The following BAALC variants were observed in gnomAD, a reference collection of about 807,000 sequenced individuals.
The protein encoded by BAALC is brain and acute leukemia cytoplasmic protein.
BAALC carries 9 observed loss-of-function variants against 15.5 expected under a neutral mutation model. The observed-to-expected ratio is 0.58, with a 90% CI of 0.35 to 1.02. The LOEUF (loss-of-function observed/expected upper bound fraction) is 1.02. Among genes scored for constraint, BAALC ranks in the 50% least tolerant of loss-of-function variants. The pLI is 0.02. For missense variants in BAALC, 201 were observed against 192.4 expected, an observed-to-expected ratio of 1.04 and a Z score of -0.27; for synonymous variants, 80 against 74.6, an observed-to-expected ratio of 1.07 and a Z score of -0.37.
chr8:103,187,633 T>A (rs908431294), intron 1 of BAALC, among the ~76,000 whole-genome samples: 1 of 152,230 alleles, frequency 6.6e-6, no homozygotes, highest in African/African-American at 2.4e-5. Flanking sequence ...TTCTGCTTTT[T>A]GCTTATGGTC....
chr8:103,170,615 G>A (rs1033156081), intron 1 of BAALC, among the ~76,000 whole-genome samples: 1 of 152,060 alleles, frequency 6.6e-6, no homozygotes, highest in Non-Finnish European at 1.5e-5. Context: ...GAGAGGGTGT[G>A]GAACTGATTC....
chr8:103,157,639 C>T (rs1299955834), intron 1 of BAALC, among the ~76,000 whole-genome samples: 1 of 152,072 alleles, frequency 6.6e-6, no homozygotes, highest in East Asian at 1.9e-4. Flanking sequence ...GAGGCCTCAT[C>T]TCTATAAAAA....
chr8:103,226,340 T>C (rs1473825484), intron 2 of BAALC, among the ~76,000 whole-genome samples: 2 of 152,356 alleles, frequency 1.3e-5, no homozygotes, highest in Admixed American at 1.3e-4. Flanking sequence ...CAGACCTTTA[T>C]GCCCTTCCAT....
chr8:103,187,710 G>T (rs1447047350), intron 1 of BAALC, among the ~76,000 whole-genome samples: 1 of 152,096 alleles, frequency 6.6e-6, no homozygotes, highest in Non-Finnish European at 1.5e-5. Flanking sequence ...CTGGGGCTTG[G>T]CTTATCTTCA....
intron 1 of BAALC, among the ~76,000 whole-genome samples, chr8:103,177,371 G>C (rs2129962807): frequency 6.6e-6 from 1 of 152,122 alleles, no homozygotes. Flanking sequence ...TTTTTGTAGA[G>C]ACGGGGTCTT....
intron 2 of BAALC, among the ~76,000 whole-genome samples, chr8:103,225,487 GAAA>G (rs1366467173): frequency 6.6e-6 from 1 of 152,168 alleles, no homozygotes; most frequent in African/African-American, 2.4e-5. Context: ...GCAAGTAATT[GAAA>G]AAGTACACTC....
intron 1 of BAALC, among the ~76,000 whole-genome samples, chr8:103,174,905 A>G (rs1048024800): frequency 6.6e-6 from 1 of 152,246 alleles, no homozygotes; most frequent in Non-Finnish European, 1.5e-5. Context: ...GGCAGCCAGC[A>G]ATCTGACAAC....
intron 1 of BAALC, chr8:103,200,799 G>A: frequency 1.5e-6 from 1 of 664,590 alleles, no homozygotes; most frequent in Non-Finnish European, 2.8e-6. Context: ...CTTTTATAAG[G>A]GCACCAATAT....
Position 103,204,941 on chromosome 8 carries a change from AAATT to A in BAALC, c.161-7976_161-7973del, listed in dbSNP as rs767589927. On this transcript the variant is annotated intron_variant, in intron 1 of 2. Coordinates refer to ENST00000309982, the MANE Select transcript of BAALC (RefSeq NM_024812.3). ...TTTTACTTATACCTCAGTTTAGACA[AAATT>A]ATTATCTGCCATGTGTTCAGGACCT... 6.0e-4 allele frequency among the ~76,000 whole-genome samples: 91 copies of A among 152,304 alleles called. 2 individuals carry two copies. Among genetic ancestry groups the A allele is most frequent in the South Asian group, 1.2e-3 (6 of 4,818 alleles).
In BAALC at chr8:103,229,896, A is replaced by G. The variant is rs996291812; in HGVS notation, c.*1797A>G. ...CTGTGATTCATATGTCCCCACTGGC[A>G]TTACTCAGCAGGAGCCCCCAGCTGC... is the stretch of plus-strand genomic sequence containing the variant. On this transcript the variant is annotated 3_prime_UTR_variant, in exon 3 of 3. Coordinates refer to ENST00000309982, the MANE Select transcript of BAALC (RefSeq NM_024812.3). 4 of 152,240 alleles carry G rather than the reference A, an allele frequency of 2.6e-5. No individual in the cohort carries two copies. Among genetic ancestry groups the G allele is most frequent in the Non-Finnish European group, 5.9e-5 (4 of 68,044 alleles). The allele number at this position is 152,240 out of a possible 1,614,324, so 9.4% of individuals were successfully genotyped here.
intron 2 of BAALC, among the ~76,000 whole-genome samples, chr8:103,220,049 C>T (rs928249760): frequency 2.6e-5 from 4 of 152,140 alleles, no homozygotes; most frequent in African/African-American, 9.7e-5. Flanking sequence ...CAACATGGCC[C>T]AAGGAGTCAT....
At chr8:103,212,849 C>A in intron 1 of BAALC, 70 bp from the exon 2 acceptor site, 3 of 1,479,802 alleles carry the variant, frequency 2.0e-6, no homozygotes, top group East Asian at 2.3e-5. Context: ...GTTTCTCCAC[C>A]ATTTTGGGAT....
intron 1 of BAALC, chr8:103,198,264 G>C: frequency 1.7e-6 from 1 of 572,160 alleles, no homozygotes; most frequent in Non-Finnish European, 3.1e-6. Flanking sequence ...TACTATTTTT[G>C]ATAGCATATT....
intron 1 of BAALC, among the ~76,000 whole-genome samples, chr8:103,146,526 A>G (rs1810884861): frequency 6.6e-6 from 1 of 152,238 alleles, no homozygotes; most frequent in African/African-American, 2.4e-5. Flanking sequence ...ATAAGGTTTC[A>G]TTTCACACAC....
rs913197661 is a variant in BAALC at position 103,229,454 on chromosome 8, T to G, written c.*1355T>G. ...TCCTTATCTGCTAACTCTGTTATTC[T>G]TCAAACACAAGTGGGTAGTGTCATT... On this transcript the variant is annotated 3_prime_UTR_variant, in exon 3 of 3. Transcript: ENST00000309982. The G allele has an allele frequency of 2.6e-5, 4 of 152,234 alleles. No homozygotes were observed. 9.4% of individuals were successfully genotyped at this position (152,234 alleles called of 1,614,324 possible). A position where few individuals can be genotyped will look rare whatever the true frequency, so the allele number is the denominator to read the frequency against.
intron 1 of BAALC, among the ~76,000 whole-genome samples, chr8:103,193,935 C>T (rs1240794486): frequency 2.0e-5 from 3 of 152,160 alleles, no homozygotes; most frequent in Non-Finnish European, 4.4e-5. Flanking sequence ...TGCAGAGATG[C>T]TTAAGGCCCC....
chr8:103,178,877 AGT>A (rs1811664428), intron 1 of BAALC, among the ~76,000 whole-genome samples: 3 of 145,606 alleles, frequency 2.1e-5, no homozygotes. Flanking sequence ...AAAAAAAAAA[AGT>A]TAATTTAAAA....
chr8:103,188,303 A>T (rs1811890381), intron 1 of BAALC, among the ~76,000 whole-genome samples: 2 of 152,166 alleles, frequency 1.3e-5, no homozygotes, highest in South Asian at 4.2e-4. Context: ...AGATTTACTA[A>T]CTCGGGCCAT....
At chr8:103,216,050 CT>C (rs1438005644) in intron 2 of BAALC, among the ~76,000 whole-genome samples, 4 of 152,202 alleles carry the variant, frequency 2.6e-5, no homozygotes, top group Non-Finnish European at 5.9e-5. Flanking sequence ...TGTCTGGCTT[CT>C]TTTGCTCAAC....
Sources: allele counts gnomAD v4.1 joint callset (sites outside exome capture counted in the v4.1 genomes callset), GRCh38; gene constraint gnomAD v4.1.1; transcripts MANE v1.5; gene names NCBI Gene and HGNC (gene_info 2026-07-23, HGNC 2026-07-21).